CSMD2: variants seen among roughly 807,000 people sequenced by gnomAD.
CSMD2 encodes the protein CUB and Sushi multiple domains 2, also known as CUB and sushi domain-containing protein 2.
CSMD2 carries 130 observed loss-of-function variants against 398.5 expected under a neutral mutation model. That is an observed-to-expected ratio of 0.33 (90% confidence interval 0.28 to 0.38). The LOEUF is 0.38. CSMD2 is among the 10% of genes least tolerant of loss of function. CSMD2 has a pLI of 1.00. For missense variants in CSMD2, 3,829 were observed against 4,764.9 expected (o/e 0.80, Z 5.78); for synonymous variants, 1,828 against 1,908.5 (o/e 0.96, Z 1.10).
intron 25 of CSMD2, among the ~76,000 whole-genome samples, chr1:33,663,882 C>T (rs141819323): frequency 1.1e-4 from 16 of 152,292 alleles, no homozygotes; most frequent in East Asian, 3.9e-4. Flanking sequence ...AAAGACAATA[C>T]GGTGTTCCCA....
chr1:33,800,839 G>T (rs897151803), intron 10 of CSMD2, among the ~76,000 whole-genome samples: 1 of 152,212 alleles, frequency 6.6e-6, no homozygotes, highest in East Asian at 1.9e-4. Context: ...CTTTGGACTT[G>T]AGGAGGCTAT....
At chr1:33,814,131 C>T (rs1400432801) in intron 9 of CSMD2, 1 of 152,246 alleles carries the variant, frequency 6.6e-6, no homozygotes, top group Non-Finnish European at 1.5e-5. Flanking sequence ...TGTCTTCTGT[C>T]CTTATGCAAA....
chr1:33,689,118 A>G (rs1181544127), intron 25 of CSMD2, among the ~76,000 whole-genome samples: 1 of 148,532 alleles, frequency 6.7e-6, no homozygotes, highest in Non-Finnish European at 1.5e-5. Context: ...GTGGGAAAGA[A>G]GAAGGGAAGG....
chr1:33,923,897 G>A (rs1478086054), intron 4 of CSMD2, among the ~76,000 whole-genome samples: 3 of 152,096 alleles, frequency 2.0e-5, no homozygotes, highest in Non-Finnish European at 4.4e-5. Flanking sequence ...TCCTGTCCAT[G>A]GAAACATTGT....
rs1659184088 is a variant in CSMD2 at position 33,567,713 on chromosome 1, T to A, written c.8260A>T (p.Asn2754Tyr). Residue 2754 changes from asparagine to tyrosine, a missense_variant, in exon 53 of 71, where the codon AAC becomes TAC. Coordinates refer to ENST00000373381, the MANE Select transcript of CSMD2 (RefSeq NM_001281956.2). ...ACCACACTGCCCCGGTAGCTGTAGT[T>A]CTCCCCATTGATGTGTCCGTTGACA... ...PIVNGHINGE[N>Y]YSYRGSVVYQ... 1 of 1,614,118 alleles carries A rather than the reference T, an allele frequency of 6.2e-7. No homozygotes were observed. Among genetic ancestry groups the A allele is most frequent in the Non-Finnish European group, 8.5e-7 (1 of 1,180,018 alleles).
intron 5 of CSMD2, among the ~76,000 whole-genome samples, chr1:33,900,951 T>C (rs16836083): frequency 0.085 from 12,975 of 152,156 alleles, 1,873 homozygotes; most frequent in African/African-American, 0.29. Context: ...CAAAGCCTAC[T>C]TTAAGGGTGA....
chr1:33,917,204 T>A, intron 5 of CSMD2, among the ~76,000 whole-genome samples: 1 of 152,280 alleles, frequency 6.6e-6, no homozygotes, highest in East Asian at 1.9e-4. Context: ...CTGCCTGACA[T>A]CAGGAAGTGG....
chr1:33,861,954 GC>G (rs916244784), intron 5 of CSMD2, among the ~76,000 whole-genome samples: 28 of 138,794 alleles, frequency 2.0e-4, no homozygotes, highest in African/African-American at 7.4e-4. Context: ...TCTCCTGAGG[GC>G]CCCATTGACC....
At chr1:33,765,615 C>T (rs995863663) in intron 13 of CSMD2, among the ~76,000 whole-genome samples, 4 of 152,052 alleles carry the variant, frequency 2.6e-5, no homozygotes, top group African/African-American at 9.7e-5. Flanking sequence ...AAAAATAGAA[C>T]GAACTGTTTC....
chr1:33,888,908 T>C (rs899947050), intron 5 of CSMD2, among the ~76,000 whole-genome samples: 1 of 152,004 alleles, frequency 6.6e-6, no homozygotes, highest in Non-Finnish European at 1.5e-5. Context: ...GCTGGGACTA[T>C]AGGCGCCCGC....
At chr1:33,752,317 G>A (rs1003696543) in intron 13 of CSMD2, among the ~76,000 whole-genome samples, 2 of 152,216 alleles carry the variant, frequency 1.3e-5, no homozygotes, top group African/African-American at 4.8e-5. Flanking sequence ...TTGGTGATGA[G>A]TGAATTTTTG....
intron 1 of CSMD2, among the ~76,000 whole-genome samples, chr1:34,155,452 C>T (rs1018527760): frequency 6.6e-6 from 1 of 152,168 alleles, no homozygotes; most frequent in African/African-American, 2.4e-5. Flanking sequence ...CCCAAGCAGT[C>T]AACTCTCCGA....
At chr1:33,721,804 T>C (rs1018669026) in intron 19 of CSMD2, among the ~76,000 whole-genome samples, 1 of 152,240 alleles carries the variant, frequency 6.6e-6, no homozygotes, top group African/African-American at 2.4e-5. Flanking sequence ...TCAAATCTTC[T>C]TTGTTATACA....
At chr1:33,942,975 T>C (rs1644725880) in intron 3 of CSMD2, among the ~76,000 whole-genome samples, 1 of 152,198 alleles carries the variant, frequency 6.6e-6, no homozygotes, top group Non-Finnish European at 1.5e-5. Flanking sequence ...ACTGCTGGCC[T>C]TGCCCTCTCC....
chr1:33,811,014 T>C lies in CSMD2; in HGVS notation c.1325-150A>G, dbSNP rs1234761097. 25 of 813,438 alleles carry C rather than the reference T, an allele frequency of 3.1e-5. 1 individual carries two copies. In the East Asian group the frequency reaches 5.9e-4, roughly 19 times the overall value. The allele number at this position is 813,438 out of a possible 1,614,324, so 50.4% of individuals were successfully genotyped here. On this transcript the variant is annotated intron_variant, in intron 9 of 70. Coordinates refer to ENST00000373381, the MANE Select transcript of CSMD2 (RefSeq NM_001281956.2). ...TTCCTGGGTCCTTCCTCTACAGTTC[T>C]TGGGAGGCTTGAAGGGAAGCCGCAG...
intron 3 of CSMD2, among the ~76,000 whole-genome samples, chr1:33,958,021 TAATC>T (rs749466410): frequency 7.9e-5 from 12 of 151,820 alleles, no homozygotes; most frequent in Admixed American, 4.6e-4. Flanking sequence ...CCTGAAAAAA[TAATC>T]AAACAGCTCT....
chr1:34,117,151 C>A (rs1162954325), intron 1 of CSMD2, among the ~76,000 whole-genome samples: 14 of 151,632 alleles, frequency 9.2e-5, no homozygotes, highest in Non-Finnish European at 1.5e-4. Context: ...AGAGCAAAAA[C>A]AAAGGAAATA....
chr1:33,700,919 C>A lies in CSMD2; in HGVS notation c.3577-246G>T, dbSNP rs183224109. On this transcript the variant is annotated intron_variant, in intron 22 of 70. Transcript: ENST00000373381. ...AGTGTGAATCTAGTCTTTGGGAACT[C>A]ATTGCTATTCTAATCTTTCCAGTGG... Among the ~76,000 whole-genome samples, 4 of 152,312 alleles carry A rather than the reference C, an allele frequency of 2.6e-5. No individual in the cohort carries two copies. In the East Asian group the frequency reaches 7.7e-4, roughly 29 times the overall value.
At chr1:33,532,698 C>G (rs1436987582) in intron 64 of CSMD2, among the ~76,000 whole-genome samples, 8 of 152,194 alleles carry the variant, frequency 5.3e-5, no homozygotes, top group Non-Finnish European at 1.2e-4. Flanking sequence ...CTGGGACATC[C>G]TGGTAACCCC....
Sources: allele counts gnomAD v4.1 joint callset (sites outside exome capture counted in the v4.1 genomes callset), GRCh38; gene constraint gnomAD v4.1.1; transcripts MANE v1.5; gene names NCBI Gene and HGNC (gene_info 2026-07-23, HGNC 2026-07-21).